Variants in GLRA2 observed in about 807,000 individuals in gnomAD.
GLRA2 encodes glycine receptor subunit alpha-2.
GLRA2 carries 11 observed loss-of-function variants against 31.6 expected under a neutral mutation model. The ratio of observed to expected loss-of-function variants is 0.35; its 90% confidence interval spans 0.22 to 0.58. The LOEUF (loss-of-function observed/expected upper bound fraction) is 0.58, where lower values mean the gene tolerates loss of function less well. Ranked by LOEUF, GLRA2 falls within the 20% of genes least tolerant of loss-of-function variation. The probability of loss-of-function intolerance (pLI) is 0.84; values close to 1 mark genes in which losing one functional copy is unlikely to be tolerated. For synonymous variants in GLRA2, 132 were observed against 134.0 expected (o/e 0.99, Z 0.10); for missense variants, 212 against 351.8 (o/e 0.60, Z 3.18).
intron 7 of GLRA2, among the ~76,000 whole-genome samples, chrX:14,682,061 T>A (rs1229060053): frequency 1.9e-5 from 2 of 102,997 alleles, no homozygotes; most frequent in Non-Finnish European, 4.0e-5. Flanking sequence ...ATGAGGGACA[T>A]CTTCCATGTA....
intron 2 of GLRA2, among the ~76,000 whole-genome samples, chrX:14,569,563 T>C (rs5934181): frequency 0.21 from 22,716 of 106,762 alleles, 2,255 homozygotes; most frequent in Non-Finnish European, 0.32. Context: ...CACAATGATA[T>C]ACCATTTCAC....
intron 7 of GLRA2, among the ~76,000 whole-genome samples, chrX:14,653,217 TCTTA>T (rs1392347987): frequency 8.9e-6 from 1 of 111,819 alleles, no homozygotes; most frequent in East Asian, 2.8e-4. Context: ...AACTTTCAAT[TCTTA>T]CTATTTTTTA....
chrX:14,691,258 T>C (rs2091349041), intron 8 of GLRA2, among the ~76,000 whole-genome samples: 1 of 106,061 alleles, frequency 9.4e-6, no homozygotes, highest in South Asian at 4.3e-4. Flanking sequence ...ATCCTGGTTC[T>C]TCTAAATATT....
chrX:14,507,689 CTTTTT>C, the GLRA2 span, among the ~76,000 whole-genome samples: 35 of 46,632 alleles, frequency 7.5e-4, no homozygotes, highest in South Asian at 2.5e-3. Flanking sequence ...GAAAGACATT[CTTTTT>C]TTTTTTTTTT....
chrX:14,460,542 T>A, the GLRA2 span, among the ~76,000 whole-genome samples: 1 of 112,052 alleles, frequency 8.9e-6, no homozygotes, highest in African/African-American at 3.2e-5. Flanking sequence ...ATTGCCTCAA[T>A]TTCAGAACCT....
At chrX:14,637,848 T>C (rs1317420798) in intron 7 of GLRA2, among the ~76,000 whole-genome samples, 1 of 111,819 alleles carries the variant, frequency 8.9e-6, no homozygotes, top group Non-Finnish European at 1.9e-5. Flanking sequence ...ATCACATAAA[T>C]AAATGTCCAT....
chrX:14,530,879 G>C, intron 1 of GLRA2: 1 of 638,890 alleles, frequency 1.6e-6, no homozygotes, highest in East Asian at 1.1e-4. Flanking sequence ...ATAACAGAGA[G>C]TGGAAGACTG....
intron 2 of GLRA2, among the ~76,000 whole-genome samples, chrX:14,570,321 T>G (rs1365933509): frequency 1.8e-5 from 2 of 112,576 alleles, no homozygotes; most frequent in Non-Finnish European, 3.8e-5. Context: ...TAAAATGCTT[T>G]GGGAAAATCT....
At chrX:14,630,355 TC>T (rs1199377766) in intron 7 of GLRA2, among the ~76,000 whole-genome samples, 1 of 111,757 alleles carries the variant, frequency 8.9e-6, no homozygotes, top group Non-Finnish European at 1.9e-5. Context: ...TTGTCTTTTT[TC>T]CTCTGGTAAT....
the GLRA2 span, among the ~76,000 whole-genome samples, chrX:14,501,046 T>A: frequency 1.9e-5 from 2 of 106,992 alleles, no homozygotes; most frequent in East Asian, 5.8e-4. Context: ...ATGCAAAAAT[T>A]GCCAAGAATG....
chrX:14,689,703 T>C (rs1318675113), intron 7 of GLRA2, among the ~76,000 whole-genome samples: 3 of 112,155 alleles, frequency 2.7e-5, no homozygotes, highest in African/African-American at 9.7e-5. Flanking sequence ...GCTATCAAAA[T>C]ATAGGAAACT....
chrX:14,730,516 C>T lies in GLRA2; in HGVS notation c.*31C>T. On this transcript the variant is annotated 3_prime_UTR_variant, in exon 9 of 9. Coordinates refer to ENST00000218075, the MANE Select transcript of GLRA2 (RefSeq NM_002063.4). ...CCCTACAGACCCTGGGACCTTCTTGCCTCAGTGTTGTGCTTGTAAATACAC... is the reference window on the plus strand; with the variant it reads ...CCCTACAGACCCTGGGACCTTCTTGTCTCAGTGTTGTGCTTGTAAATACAC... The T allele has an allele frequency of 9.3e-7, 1 of 1,079,193 alleles. No homozygotes were observed. Among genetic ancestry groups the T allele is most frequent in the Non-Finnish European group, 1.3e-6 (1 of 793,178 alleles). 88.9% of individuals were successfully genotyped at this position (1,079,193 alleles called of 1,213,427 possible).
chrX:14,509,455 C>T, the GLRA2 span, among the ~76,000 whole-genome samples: 4 of 112,557 alleles, frequency 3.6e-5, no homozygotes, highest in Non-Finnish European at 7.5e-5. Flanking sequence ...TAGATGAGCT[C>T]TGTATTGTGC....
At chrX:14,469,035 G>T in the GLRA2 span, among the ~76,000 whole-genome samples, 1 of 111,291 alleles carries the variant, frequency 9.0e-6, no homozygotes, top group Non-Finnish European at 1.9e-5. Context: ...TTATAAATTT[G>T]TTTGAGTTCA....
intron 2 of GLRA2, among the ~76,000 whole-genome samples, chrX:14,540,756 A>G (rs901292185): frequency 9.0e-6 from 1 of 110,890 alleles, no homozygotes; most frequent in Non-Finnish European, 1.9e-5. Flanking sequence ...AAGAGAGAGA[A>G]ATATAGTGTA....
chrX:14,630,316 C>A (rs2090630474), intron 7 of GLRA2, among the ~76,000 whole-genome samples: 1 of 111,430 alleles, frequency 9.0e-6, no homozygotes, highest in Non-Finnish European at 1.9e-5. Flanking sequence ...AATCTGCTGT[C>A]ATCTTATATT....
chrX:14,504,950 C>T, the GLRA2 span, among the ~76,000 whole-genome samples: 1 of 111,739 alleles, frequency 8.9e-6, no homozygotes, highest in African/African-American at 3.3e-5. Flanking sequence ...TAGAATGTAC[C>T]AGAAGTTGGG....
At chrX:14,665,193 G>C (rs1265663734) in intron 7 of GLRA2, among the ~76,000 whole-genome samples, 2 of 111,749 alleles carry the variant, frequency 1.8e-5, no homozygotes, top group Non-Finnish European at 3.8e-5. Flanking sequence ...AAAGTAACTT[G>C]CAAGGAGTTG....
intron 7 of GLRA2, among the ~76,000 whole-genome samples, chrX:14,644,202 G>C (rs894904777): frequency 9.0e-6 from 1 of 111,469 alleles, no homozygotes; most frequent in African/African-American, 3.3e-5. Flanking sequence ...AGCCCTTTCA[G>C]TTCTCAGGAT....
Sources: allele counts gnomAD v4.1 joint callset (sites outside exome capture counted in the v4.1 genomes callset), GRCh38; gene constraint gnomAD v4.1.1; transcripts MANE v1.5; gene names NCBI Gene and HGNC (gene_info 2026-07-23, HGNC 2026-07-21).